TRIM24: variants seen among roughly 807,000 people sequenced by gnomAD.
TRIM24 encodes tripartite motif containing 24, also known as transcription intermediary factor 1-alpha.
In TRIM24, 29 loss-of-function variants were observed where a neutral mutation model predicts 123.9. That is an observed-to-expected ratio of 0.23 (90% confidence interval 0.17 to 0.32). The LOEUF is 0.32. Among genes scored for constraint, TRIM24 ranks in the 10% least tolerant of loss-of-function variants. TRIM24 has a pLI of 1.00. For missense variants in TRIM24, 932 were observed against 1,295.3 expected, an observed-to-expected ratio of 0.72 and a Z score of 4.31; for synonymous variants, 456 against 461.1, an observed-to-expected ratio of 0.99 and a Z score of 0.14.
intron 2 of TRIM24, among the ~76,000 whole-genome samples, chr7:138,511,759 A>G (rs1321161739): frequency 6.6e-6 from 1 of 152,140 alleles, no homozygotes; most frequent in Non-Finnish European, 1.5e-5. Context: ...GATCCAAACC[A>G]TATCATTCCA....
At chr7:138,526,963 G>T (rs1236630463) in intron 5 of TRIM24, among the ~76,000 whole-genome samples, 1 of 151,920 alleles carries the variant, frequency 6.6e-6, no homozygotes, top group East Asian at 1.9e-4. Flanking sequence ...TTAAACATCT[G>T]CCCTTAATGA....
intron 8 of TRIM24, among the ~76,000 whole-genome samples, chr7:138,553,788 G>A (rs1797260351): frequency 6.6e-6 from 1 of 152,112 alleles, no homozygotes; most frequent in Non-Finnish European, 1.5e-5. Context: ...GGACCACAAA[G>A]GCCACCCTTT....
chr7:138,582,946 G>A (rs1402268089), intron 17 of TRIM24, among the ~76,000 whole-genome samples: 1 of 152,200 alleles, frequency 6.6e-6, no homozygotes, highest in Non-Finnish European at 1.5e-5. Context: ...ACTTGAAAAT[G>A]TAACCTTGAA....
At chr7:138,565,294 C>T (rs1461140430) in intron 9 of TRIM24, among the ~76,000 whole-genome samples, 3 of 152,184 alleles carry the variant, frequency 2.0e-5, no homozygotes, top group South Asian at 2.1e-4. Flanking sequence ...GCCACTCTCA[C>T]GTCCTGTGTT....
Position 138,519,335 on chromosome 7 carries a change from T to C in TRIM24, c.764+14T>C. 1 of 1,590,218 alleles carries C rather than the reference T, an allele frequency of 6.3e-7. No homozygotes were observed. Among genetic ancestry groups the C allele is most frequent in the Non-Finnish European group, 8.5e-7 (1 of 1,170,284 alleles). ...TAAAGAGCATAGGTACCAGCATCTT[T>C]GGTTATATATATAGATTCATATGCA... On this transcript the variant is annotated intron_variant, in intron 4 of 18. Coordinates refer to ENST00000343526, the MANE Select transcript of TRIM24 (RefSeq NM_015905.3).
chr7:138,527,318 CA>C (rs986866836), intron 5 of TRIM24, among the ~76,000 whole-genome samples: 67 of 152,028 alleles, frequency 4.4e-4, no homozygotes, highest in African/African-American at 1.6e-3. Flanking sequence ...TTGTGTGTAA[CA>C]ATTTTGATTT....
chr7:138,589,578 G>A lies in TRIM24; in HGVS notation c.*4627G>A, dbSNP rs1798071348. 6.6e-6 allele frequency: 1 copy of A among 151,738 alleles called. No homozygotes were observed. Among genetic ancestry groups the A allele is most frequent in the African/African-American group, 2.4e-5 (1 of 41,042 alleles). 9.4% of individuals were successfully genotyped at this position (151,738 alleles called of 1,614,324 possible). ...AAATTCTAACACGTGTATTTCACCA[G>A]CCTTAAAAGATTTAAAAAAAAATCT... On this transcript the variant is annotated 3_prime_UTR_variant, in exon 19 of 19. Coordinates refer to ENST00000343526, the MANE Select transcript of TRIM24 (RefSeq NM_015905.3).
At chr7:138,582,911 C>T (rs557054843) in intron 17 of TRIM24, among the ~76,000 whole-genome samples, 1 of 152,238 alleles carries the variant, frequency 6.6e-6, no homozygotes, top group East Asian at 1.9e-4. Flanking sequence ...GTAAAGAAGT[C>T]GAGAGGCTTG....
chr7:138,475,099 G>C (rs1461738194), intron 1 of TRIM24, among the ~76,000 whole-genome samples: 1 of 152,152 alleles, frequency 6.6e-6, no homozygotes, highest in Non-Finnish European at 1.5e-5. Context: ...TAGGCTCATT[G>C]ATTGATTGTT....
At chr7:138,472,926 C>T (rs532659081) in intron 1 of TRIM24, among the ~76,000 whole-genome samples, 4 of 152,114 alleles carry the variant, frequency 2.6e-5, no homozygotes, top group Non-Finnish European at 5.9e-5. Flanking sequence ...AGGTTGAACT[C>T]CTGGACTCAA....
At position 138,580,670 on chromosome 7, in the gene TRIM24, T is replaced by A; in HGVS notation, c.2694T>A (p.Val898=). Residue 898 remains valine, a synonymous_variant, in exon 16 of 19, where the codon GTT becomes GTA. Coordinates refer to ENST00000343526, the MANE Select transcript of TRIM24 (RefSeq NM_015905.3). ...AAAAAAAGAAAACTGAAGGCCTTGT[T>A]AAGTTAACACCTATAGATAAAAGGG... The part of the protein sequence containing the change: ...NSEKKKTEGL[V]KLTPIDKRKC... 1 of 1,613,884 alleles carries A rather than the reference T, an allele frequency of 6.2e-7. No homozygotes were observed. Among genetic ancestry groups the A allele is most frequent in the Non-Finnish European group, 8.5e-7 (1 of 1,179,884 alleles).
At chr7:138,560,751 G>A (rs147737978) in intron 9 of TRIM24, among the ~76,000 whole-genome samples, 73 of 152,262 alleles carry the variant, frequency 4.8e-4, no homozygotes, top group Middle Eastern at 6.8e-3. Flanking sequence ...TTCCACCATC[G>A]TTCTTCAATG....
chr7:138,476,013 C>T (rs1330558999), intron 1 of TRIM24, among the ~76,000 whole-genome samples: 3 of 151,878 alleles, frequency 2.0e-5, no homozygotes, highest in African/African-American at 4.8e-5. Context: ...AATGAAGATA[C>T]GTTATTGGGT....
chr7:138,495,000 G>A (rs113443142), intron 1 of TRIM24, among the ~76,000 whole-genome samples: 5,899 of 152,256 alleles, frequency 0.039, 155 homozygotes, highest in Middle Eastern at 0.088. Context: ...CACTGTTATG[G>A]AGTGATCACC....
chr7:138,547,969 C>T (rs193152955), intron 7 of TRIM24, among the ~76,000 whole-genome samples: 2 of 152,130 alleles, frequency 1.3e-5, no homozygotes, highest in African/African-American at 4.8e-5. Context: ...AAAGTATAGC[C>T]AACGGGATTT....
At chr7:138,490,460 T>C (rs1440798687) in intron 1 of TRIM24, 2 of 156,268 alleles carry the variant, frequency 1.3e-5, no homozygotes, top group African/African-American at 4.8e-5. Context: ...AGCTTTTCTC[T>C]GAGCAGAACT....
At chr7:138,462,754 T>C (rs1321036364) in intron 1 of TRIM24, among the ~76,000 whole-genome samples, 1 of 152,210 alleles carries the variant, frequency 6.6e-6, no homozygotes, top group Non-Finnish European at 1.5e-5. Flanking sequence ...GTAAGGTTAT[T>C]TGTTAGCTTG....
At chr7:138,566,443 GA>G (rs1215291026) in intron 9 of TRIM24, among the ~76,000 whole-genome samples, 1 of 152,078 alleles carries the variant, frequency 6.6e-6, no homozygotes, top group African/African-American at 2.4e-5. Flanking sequence ...TTGAACCCAG[GA>G]GGCAGAGGTT....
rs199725947 is a variant in TRIM24, at chr7:138,585,999, ATTTT to A, written c.*1057_*1060del. On this transcript the variant is annotated 3_prime_UTR_variant, in exon 19 of 19. Transcript: ENST00000343526. ...AGGCAGCTGGGGGGAATTAATAGTGATTTTTTTTTTTTCCTGAAGCATCTATCTC... is the reference window on the plus strand; with the variant it reads ...AGGCAGCTGGGGGGAATTAATAGTGATTTTTTTTCCTGAAGCATCTATCTC... 22 of 372,690 alleles carry A rather than the reference ATTTT, an allele frequency of 5.9e-5. No individual in the cohort carries two copies. The highest frequency in any genetic ancestry group is 4.6e-4 in the African/African-American group (21 of 45,426). 23.1% of individuals were successfully genotyped at this position (372,690 alleles called of 1,614,324 possible).
Sources: allele counts gnomAD v4.1 joint callset (sites outside exome capture counted in the v4.1 genomes callset), GRCh38; gene constraint gnomAD v4.1.1; transcripts MANE v1.5; gene names NCBI Gene and HGNC (gene_info 2026-07-23, HGNC 2026-07-21).